RTN4: variants seen among roughly 807,000 people sequenced by gnomAD.
The protein encoded by RTN4 is reticulon 4.
RTN4 carries 32 observed loss-of-function variants against 90.4 expected under a neutral mutation model. That is an observed-to-expected ratio of 0.35 (90% CI 0.27 to 0.48). The LOEUF (loss-of-function observed/expected upper bound fraction) is 0.48, where lower values mean the gene tolerates loss of function less well. Ranked by LOEUF, RTN4 falls within the 20% of genes least tolerant of loss-of-function variation. The pLI is 0.99. For synonymous variants in RTN4, 629 were observed against 552.5 expected (o/e 1.14, Z -1.94); for missense variants, 1,706 against 1,430.2 (o/e 1.19, Z -3.11).
At chr2:55,035,051 CAGA>C (rs1682582665) in intron 1 of RTN4, among the ~76,000 whole-genome samples, 1 of 151,932 alleles carries the variant, frequency 6.6e-6, no homozygotes, top group South Asian at 2.1e-4. Context: ...TTGATTAATC[CAGA>C]AGAAGAAACA....
chr2:55,080,655 G>T (rs375396763), intron 1 of RTN4: 4 of 152,020 alleles, frequency 2.6e-5, no homozygotes, highest in Non-Finnish European at 4.4e-5. Context: ...GAAAGAAAAG[G>T]GTAGGAAAAA....
At chr2:54,996,164 A>G (rs1437218265) in intron 3 of RTN4, among the ~76,000 whole-genome samples, 1 of 152,238 alleles carries the variant, frequency 6.6e-6, no homozygotes, top group Non-Finnish European at 1.5e-5. Flanking sequence ...ATTTCAAGAC[A>G]TATGAACTAT....
chr2:55,012,274 T>C (rs3806570), intron 3 of RTN4, among the ~76,000 whole-genome samples: 74,788 of 151,912 alleles, frequency 0.49, 18,862 homozygotes, highest in South Asian at 0.57. Flanking sequence ...TACCCACTCA[T>C]CTAAACATTA....
At chr2:55,086,825 A>ATTT (rs146093058) in intron 1 of RTN4, among the ~76,000 whole-genome samples, 11 of 140,470 alleles carry the variant, frequency 7.8e-5, no homozygotes, top group African/African-American at 1.1e-4. Context: ...TTCAACTTTA[A>ATTT]TTTATTTTTT....
chr2:55,061,225 C>T (rs1668285978), intron 2 of RTN4, among the ~76,000 whole-genome samples: 1 of 152,028 alleles, frequency 6.6e-6, no homozygotes, highest in Non-Finnish European at 1.5e-5. Flanking sequence ...GCCACCACAC[C>T]CAGCTGATTT....
chr2:55,093,984 C>T lies in RTN4; in HGVS notation c.-213-13345G>A, dbSNP rs111829504. 3.4e-3 allele frequency among the ~76,000 whole-genome samples: 518 copies of T among 152,230 alleles called. 1 individual carries two copies. The highest frequency in any genetic ancestry group is 5.6e-3 in the Non-Finnish European group (378 of 68,016). On this transcript the variant is annotated intron_variant, in intron 1 of 3. Coordinates refer to the RTN4 transcript ENST00000427710. ...GCATGAAAGAGTCACAATTTTCTTACGATCACTAATATCCTACACTAATGT... is the reference window on the plus strand; with the variant it reads ...GCATGAAAGAGTCACAATTTTCTTATGATCACTAATATCCTACACTAATGT...
upstream of RTN4, among the ~76,000 whole-genome samples, chr2:55,116,089 G>GACTTTTTTT (rs1409371829): frequency 2.5e-5 from 2 of 81,276 alleles, no homozygotes; most frequent in African/African-American, 1.0e-4. Context: ...ATGGGGACTA[G>GACTTTTTTT]TCTTTTTTTT....
intron 3 of RTN4, among the ~76,000 whole-genome samples, chr2:54,991,579 T>C (rs1679015927): frequency 6.6e-6 from 1 of 152,254 alleles, no homozygotes; most frequent in South Asian, 2.1e-4. Context: ...GGAATTAACA[T>C]GACCCACAGT....
At chr2:55,066,693 A>AAAATAAATAAAT (rs201230678) in intron 2 of RTN4, among the ~76,000 whole-genome samples, 91 of 145,520 alleles carry the variant, frequency 6.3e-4, no homozygotes, top group South Asian at 1.5e-3. Flanking sequence ...CTCCATCTCA[A>AAAATAAATAAAT]AAATAAATAA....
upstream of RTN4, among the ~76,000 whole-genome samples, chr2:55,115,886 C>G (rs150016689): frequency 6.6e-6 from 1 of 152,106 alleles, no homozygotes; most frequent in Admixed American, 6.6e-5. Flanking sequence ...TTTTTTAACC[C>G]TTGAAACATT....
intron 1 of RTN4, among the ~76,000 whole-genome samples, chr2:55,083,767 C>T (rs948996496): frequency 1.3e-5 from 2 of 152,170 alleles, no homozygotes; most frequent in African/African-American, 4.8e-5. Context: ...TAAAAATTTC[C>T]TCTCATCATC....
Position 55,050,016 on chromosome 2 carries a change from C to T in RTN4, c.285G>A (p.Pro95=). 7.2e-7 allele frequency: 1 copy of T among 1,384,732 alleles called. No homozygotes were observed. The highest frequency in any genetic ancestry group is 9.3e-7 in the Non-Finnish European group (1 of 1,076,448). 85.8% of individuals were successfully genotyped at this position (1,384,732 alleles called of 1,614,324 possible). The change falls in exon 1 of 9, where the codon CCG becomes CCA. Residue 95 remains proline (P), a synonymous_variant. Coordinates refer to ENST00000337526, the MANE Select transcript of RTN4 (RefSeq NM_020532.5). The surrounding 1 kb of genome is among the most constrained non-coding windows in gnomAD (Gnocchi z 4.6). ...GCTCCGGGGCGACGGGGGGAGCGGC[C>T]GGCAGGGGTCCCCGGGGCGCCGGCG... ...FVPPAPRGPL[P]AAPPVAPERQ...
At chr2:55,053,361 T>C (rs1430914365), upstream of RTN4, among the ~76,000 whole-genome samples, 1 of 152,208 alleles carries the variant, frequency 6.6e-6, no homozygotes, top group African/African-American at 2.4e-5. Context: ...TAATAATAGT[T>C]TTAAAATAAT....
intron 1 of RTN4, among the ~76,000 whole-genome samples, chr2:55,033,347 G>A (rs1410487274): frequency 1.3e-5 from 2 of 152,170 alleles, no homozygotes; most frequent in East Asian, 3.9e-4. Flanking sequence ...ATTATATACA[G>A]ATGATCCTCA....
rs748401372 is a variant in RTN4 at position 55,050,132 on chromosome 2, TCTCCAGCAC to T, written c.160_168del (p.Val54_Glu56del). The T allele has an allele frequency of 3.5e-5, 54 of 1,528,088 alleles. No individual in the cohort carries two copies. In the East Asian group the frequency reaches 3.7e-4, roughly 11 times the overall value. 94.7% of individuals were successfully genotyped at this position (1,528,088 alleles called of 1,614,324 possible). On this transcript the variant is annotated inframe_deletion, in exon 1 of 9. Transcript: ENST00000337526. This position sits in a 1 kb window ranked among gnomAD's most constrained non-coding sequence, Gnocchi z 4.6. The stretch of plus-strand genomic sequence containing the variant: ...GCGGACAGCCCGGCGGCGGGCTTCC[TCTCCAGCAC>T]CTCCAGCTCCTCCAGGTCTTCGTCC...
intron 1 of RTN4, among the ~76,000 whole-genome samples, chr2:55,045,774 T>A (rs1378836317): frequency 6.6e-6 from 1 of 152,146 alleles, no homozygotes; most frequent in Non-Finnish European, 1.5e-5. Flanking sequence ...ATTCAGTATC[T>A]TTCAGAATCC....
At chr2:55,085,315 CCA>C (rs377061162) in intron 1 of RTN4, among the ~76,000 whole-genome samples, 3 of 144,706 alleles carry the variant, frequency 2.1e-5, no homozygotes, top group Non-Finnish European at 3.1e-5. Flanking sequence ...ACATATACAC[CCA>C]CACACACACA....
chr2:54,983,428 A>AT (rs1489285335), intron 4 of RTN4, among the ~76,000 whole-genome samples: 5 of 152,152 alleles, frequency 3.3e-5, no homozygotes, highest in Non-Finnish European at 7.3e-5. Flanking sequence ...CAAAGAAGCC[A>AT]TTTTATCTTG....
chr2:55,092,312 C>T (rs969579983), intron 1 of RTN4, among the ~76,000 whole-genome samples: 8 of 151,234 alleles, frequency 5.3e-5, no homozygotes, highest in African/African-American at 1.7e-4. Context: ...CTCAGCTCAC[C>T]GTAACCTCCA....
Sources: allele counts gnomAD v4.1 joint callset (sites outside exome capture counted in the v4.1 genomes callset), GRCh38; gene constraint gnomAD v4.1.1; non-coding constraint Gnocchi (gnomAD v3.1); transcripts MANE v1.5; gene names NCBI Gene and HGNC (gene_info 2026-07-23, HGNC 2026-07-21).